The following KCNIP1 variants were observed in gnomAD, a reference collection of about 807,000 sequenced individuals.
The protein encoded by KCNIP1 is potassium voltage-gated channel interacting protein 1.
A neutral mutation model predicts 33.0 loss-of-function variants in KCNIP1; 18 were observed. That is an observed-to-expected ratio of 0.55 (90% CI 0.38 to 0.81). KCNIP1 has a LOEUF of 0.81. KCNIP1 is among the 30% of genes least tolerant of loss of function. The pLI, the probability that KCNIP1 is intolerant of heterozygous loss-of-function variation, is 0.00. For synonymous variants in KCNIP1, 93 were observed against 98.3 expected, an observed-to-expected ratio of 0.95 and a Z score of 0.32; for missense variants, 238 against 271.6, an observed-to-expected ratio of 0.88 and a Z score of 0.87.
intron 1 of KCNIP1, among the ~76,000 whole-genome samples, chr5:170,549,954 A>G (rs1190155059): frequency 6.6e-6 from 1 of 152,244 alleles, no homozygotes; most frequent in Non-Finnish European, 1.5e-5. Context: ...ATATTTGCTG[A>G]AAGTCCACTA....
At chr5:170,506,457 G>A (rs1754724128) in intron 1 of KCNIP1, among the ~76,000 whole-genome samples, 1 of 152,156 alleles carries the variant, frequency 6.6e-6, no homozygotes, top group South Asian at 2.1e-4. Flanking sequence ...ATGATGAATA[G>A]GGAGCTCCGT....
chr5:170,729,352 C>G (rs191201531), intron 5 of KCNIP1, among the ~76,000 whole-genome samples: 9 of 152,038 alleles, frequency 5.9e-5, no homozygotes, highest in African/African-American at 2.2e-4. Flanking sequence ...TTTATGATGA[C>G]AGAAAGGATT....
intron 1 of KCNIP1, among the ~76,000 whole-genome samples, chr5:170,551,813 G>A (rs1311837234): frequency 6.6e-6 from 1 of 151,904 alleles, no homozygotes; most frequent in Non-Finnish European, 1.5e-5. Context: ...GTGTGAATGT[G>A]AGTATGTGAT....
chr5:170,371,905 A>G (rs1301908639), intron 1 of KCNIP1, among the ~76,000 whole-genome samples: 2 of 152,228 alleles, frequency 1.3e-5, no homozygotes, highest in Non-Finnish European at 2.9e-5. Context: ...GACACCACGT[A>G]AGAGGGTTTT....
chr5:170,541,327 G>T (rs1026287656), intron 1 of KCNIP1, among the ~76,000 whole-genome samples: 3 of 152,162 alleles, frequency 2.0e-5, no homozygotes, highest in Non-Finnish European at 4.4e-5. Flanking sequence ...ATTTCTCACC[G>T]TCACCCCCTG....
At chr5:170,713,703 G>A (rs1040923576) in intron 1 of KCNIP1, among the ~76,000 whole-genome samples, 2 of 152,142 alleles carry the variant, frequency 1.3e-5, no homozygotes, top group African/African-American at 4.8e-5. Flanking sequence ...CACTCAAGCC[G>A]AGGATCACTA....
chr5:170,383,754 C>T, intron 1 of KCNIP1: 2 of 1,614,216 alleles, frequency 1.2e-6, no homozygotes, highest in South Asian at 2.2e-5. Flanking sequence ...CGTTGACCCA[C>T]AGGCATGGGT....
intron 1 of KCNIP1, among the ~76,000 whole-genome samples, chr5:170,666,244 A>G (rs546755538): frequency 6.6e-6 from 1 of 152,256 alleles, no homozygotes; most frequent in South Asian, 2.1e-4. Context: ...TTCTTGCTCA[A>G]ATTACTCCAC....
chr5:170,372,090 A>C (rs550987166), intron 1 of KCNIP1, among the ~76,000 whole-genome samples: 2 of 152,216 alleles, frequency 1.3e-5, no homozygotes, highest in Admixed American at 1.3e-4. Context: ...GACTATCCAC[A>C]CTTCCACCTG....
chr5:170,639,836 C>G (rs1258943055), intron 1 of KCNIP1, among the ~76,000 whole-genome samples: 1 of 152,248 alleles, frequency 6.6e-6, no homozygotes, highest in Non-Finnish European at 1.5e-5. Context: ...GTATGATCAA[C>G]TCCCTCCCCC....
At chr5:170,705,852 T>C (rs1336474881) in intron 1 of KCNIP1, among the ~76,000 whole-genome samples, 1 of 152,210 alleles carries the variant, frequency 6.6e-6, no homozygotes, top group Non-Finnish European at 1.5e-5. Flanking sequence ...TTGTTGAGAA[T>C]GACCCTTAAA....
intron 1 of KCNIP1, among the ~76,000 whole-genome samples, chr5:170,598,241 G>A (rs772837153): frequency 3.6e-4 from 55 of 152,142 alleles, no homozygotes; most frequent in Non-Finnish European, 4.7e-4. Context: ...CTGCTTCTCT[G>A]GCAGCCAAGG....
intron 1 of KCNIP1, among the ~76,000 whole-genome samples, chr5:170,526,129 T>TCCTCCACCTTGCACTTGTGTGACCTGGCC (rs1212824272): frequency 6.6e-6 from 1 of 152,180 alleles, no homozygotes. Flanking sequence ...GAGACCTGGC[T>TCCTCCACCTTGCACTTGTGTGACCTGGCC]CCTCCACCTT....
intron 1 of KCNIP1, among the ~76,000 whole-genome samples, chr5:170,530,195 TG>T (rs201214530): frequency 0.029 from 4,366 of 152,268 alleles, 232 homozygotes; most frequent in African/African-American, 0.1. Flanking sequence ...GTTTATTGAT[TG>T]TTTAGATGGC....
intron 1 of KCNIP1, among the ~76,000 whole-genome samples, chr5:170,381,939 G>C (rs1011505123): frequency 6.6e-6 from 1 of 152,126 alleles, no homozygotes. Context: ...TCATACTAGC[G>C]ATGACAGAAC....
At chr5:170,407,288 G>A (rs1029903538) in intron 1 of KCNIP1, among the ~76,000 whole-genome samples, 1 of 152,248 alleles carries the variant, frequency 6.6e-6, no homozygotes, top group African/African-American at 2.4e-5. Context: ...GAAAGACAAG[G>A]ATTGCAGGTG....
At chr5:170,610,560 G>A (rs1366749876) in intron 1 of KCNIP1, among the ~76,000 whole-genome samples, 1 of 152,198 alleles carries the variant, frequency 6.6e-6, no homozygotes, top group Non-Finnish European at 1.5e-5. Context: ...TCTGGAGCCA[G>A]GCTGACCCAA....
intron 1 of KCNIP1, among the ~76,000 whole-genome samples, chr5:170,388,528 G>A (rs888004356): frequency 6.6e-6 from 1 of 152,204 alleles, no homozygotes. Flanking sequence ...CATTTAGAAA[G>A]GTCACTTGAG....
intron 1 of KCNIP1, among the ~76,000 whole-genome samples, chr5:170,402,334 CTG>C (rs1754925782): frequency 6.6e-6 from 1 of 152,194 alleles, no homozygotes; most frequent in East Asian, 1.9e-4. Flanking sequence ...TATAACAACT[CTG>C]AGAGGGAGGT....
Sources: gnomAD v4.1 joint callset for allele counts (sites outside exome capture counted in the v4.1 genomes callset) on GRCh38, gnomAD v4.1.1 for gene constraint, MANE v1.5 for transcripts, NCBI Gene and HGNC (gene_info 2026-07-23, HGNC 2026-07-21) for gene names.